Variants in NETO2 observed in about 807,000 individuals in gnomAD.
NETO2 encodes the protein neuropilin and tolloid-like protein 2.
NETO2 carries 28 observed loss-of-function variants against 62.5 expected under a neutral mutation model. The ratio of observed to expected loss-of-function variants is 0.45; its 90% CI spans 0.33 to 0.61. The LOEUF is 0.61. Ranked by LOEUF, NETO2 falls within the 20% of genes least tolerant of loss-of-function variation. The probability of loss-of-function intolerance (pLI) is 0.02; values close to 1 mark genes in which losing one functional copy is unlikely to be tolerated. For missense variants in NETO2, 548 were observed against 643.2 expected (o/e 0.85, Z 1.60); for synonymous variants, 214 against 219.1 (o/e 0.98, Z 0.21).
At position 47,083,206 on chromosome 16, in the gene NETO2, A is replaced by C; in HGVS notation, c.*15T>G. 1 of 1,588,892 alleles carries C rather than the reference A, an allele frequency of 6.3e-7. No individual in the cohort carries two copies. Among genetic ancestry groups the C allele is most frequent in the Non-Finnish European group, 8.6e-7 (1 of 1,166,156 alleles). On this transcript the variant is annotated 3_prime_UTR_variant, in exon 9 of 9. Coordinates refer to ENST00000562435, the MANE Select transcript of NETO2 (RefSeq NM_018092.5). ...CGTACACACCCTAAGAATTCACATC[A>C]CCATTAGCAGAAGATTAGAAGTCAA...
intron 7 of NETO2, among the ~76,000 whole-genome samples, chr16:47,098,800 G>C (rs1040940592): frequency 2.0e-5 from 3 of 152,194 alleles, no homozygotes; most frequent in Admixed American, 6.5e-5. Context: ...TACCCACAAA[G>C]GGAAGCCCAT....
chr16:47,083,800 T>C lies in NETO2; in HGVS notation c.999A>G (p.Glu333=), dbSNP rs1204839667. The C allele has an allele frequency of 6.4e-7, 1 of 1,568,608 alleles. No homozygotes were observed. Among genetic ancestry groups the C allele is most frequent in the Admixed American group, 1.9e-5 (1 of 51,986 alleles). ...GTTCAAATACTCCTGCTTTTTTCTT[T>C]TCTGCAGAAAGAAAATGAGAAACGT... ...AYPWDENHCK[E]KKKAGVFEQI... is the part of the protein sequence containing the mutation. The change falls in exon 9 of 9, where the codon GAA becomes GAG. Residue 333 remains glutamate (E), a splice_region_variant and synonymous_variant. Transcript: ENST00000562435.
chr16:47,083,670 C>T lies in NETO2; in HGVS notation c.1129G>A (p.Val377Ile). Reference sequence around the variant, plus strand: ...TTAAAAGCGGTTTTGCAAGCCATGACCTTTTTTCGAGGCTGTTTCACTTGT... The same window carrying T: ...TTAAAAGCGGTTTTGCAAGCCATGATCTTTTTTCGAGGCTGTTTCACTTGT... ...LVQVKQPRKKVMACKTAFNKT... is the reference protein window; with the variant it reads ...LVQVKQPRKKIMACKTAFNKT... Residue 377 changes from valine (V) to isoleucine (I), a missense_variant, in exon 9 of 9, where the codon GTC becomes ATC. Transcript: ENST00000562435. 6.2e-7 allele frequency: 1 copy of T among 1,614,148 alleles called. No individual in the cohort carries two copies. The highest frequency in any genetic ancestry group is 1.7e-5 in the Admixed American group (1 of 60,010).
Position 47,081,854 on chromosome 16 carries a change from C to T in NETO2, c.*1367G>A, listed in dbSNP as rs535426097. On this transcript the variant is annotated 3_prime_UTR_variant, in exon 9 of 9. Transcript: ENST00000562435. ...AGTGATTTAGAGCATAAATATCACA[C>T]AGTGAAAAATTTATCACAAACTAAA... The T allele has an allele frequency of 6.6e-6, 1 of 152,524 alleles. No individual in the cohort carries two copies. The highest frequency in any genetic ancestry group is 1.5e-5 in the Non-Finnish European group (1 of 67,964). 9.4% of individuals were successfully genotyped at this position (152,524 alleles called of 1,614,324 possible).
chr16:47,090,045 G>A (rs1963280312), intron 7 of NETO2, among the ~76,000 whole-genome samples: 1 of 152,080 alleles, frequency 6.6e-6, no homozygotes, highest in African/African-American at 2.4e-5. Context: ...GTGGGTCCTT[G>A]ACATTCGGAT....
intron 1 of NETO2, among the ~76,000 whole-genome samples, chr16:47,134,449 C>T (rs181888493): frequency 1.2e-4 from 19 of 152,166 alleles, no homozygotes; most frequent in Admixed American, 9.2e-4. Flanking sequence ...TTTTTTAATA[C>T]AGAAGATTTA....
At chr16:47,110,072 T>C (rs749117082) in intron 6 of NETO2, among the ~76,000 whole-genome samples, 6 of 152,212 alleles carry the variant, frequency 3.9e-5, no homozygotes, top group Non-Finnish European at 7.3e-5. Context: ...CAACAATGCA[T>C]GTGATTAATT....
At chr16:47,092,543 G>C (rs1409873097) in intron 7 of NETO2, among the ~76,000 whole-genome samples, 1 of 152,140 alleles carries the variant, frequency 6.6e-6, no homozygotes, top group Non-Finnish European at 1.5e-5. Context: ...GAGGCTGCAG[G>C]TGGCTGGCGG....
chr16:47,092,474 G>A (rs1963332465), intron 7 of NETO2, among the ~76,000 whole-genome samples: 1 of 152,148 alleles, frequency 6.6e-6, no homozygotes, highest in South Asian at 2.1e-4. Flanking sequence ...TGACATCTGG[G>A]AGGCGTTTTT....
chr16:47,143,739 C>G lies in NETO2; in HGVS notation c.-127G>C. 1.7e-6 allele frequency: 2 copies of G among 1,159,372 alleles called. No homozygotes were observed. The highest frequency in any genetic ancestry group is 2.2e-6 in the Non-Finnish European group (2 of 928,970). 71.8% of individuals were successfully genotyped at this position (1,159,372 alleles called of 1,614,324 possible). A position where few individuals can be genotyped will look rare whatever the true frequency, so the allele number is the denominator to read the frequency against. Reference sequence around the variant, plus strand: ...TCGCCGGCCAGCAGCTGCCTCCCCGCTCCCCTGAGGAGAGCTCAGGTCCTG... The same window carrying G: ...TCGCCGGCCAGCAGCTGCCTCCCCGGTCCCCTGAGGAGAGCTCAGGTCCTG... On this transcript the variant is annotated 5_prime_UTR_variant, in exon 1 of 9. Transcript: ENST00000562435.
chr16:47,090,532 T>C (rs1963290902), intron 7 of NETO2, among the ~76,000 whole-genome samples: 3 of 152,156 alleles, frequency 2.0e-5, no homozygotes, highest in African/African-American at 7.2e-5. Flanking sequence ...TCTCTACCTA[T>C]TGCTGTTCCT....
intron 1 of NETO2, among the ~76,000 whole-genome samples, chr16:47,132,817 G>A (rs1056553619): frequency 6.6e-6 from 1 of 152,202 alleles, no homozygotes. Flanking sequence ...CACAGGTGTG[G>A]AGAGAGAAAT....
At chr16:47,113,533 T>C (rs1332423507) in intron 6 of NETO2, among the ~76,000 whole-genome samples, 1 of 152,000 alleles carries the variant, frequency 6.6e-6, no homozygotes, top group East Asian at 1.9e-4. Context: ...CTGTAGTTTA[T>C]CCCTTTTTAT....
At chr16:47,083,889 C>G (rs2143793709) in intron 8 of NETO2, 88 bp from the exon 9 acceptor site, 1 of 1,034,654 alleles carries the variant, frequency 9.7e-7, no homozygotes, top group South Asian at 1.7e-5. Context: ...TTAGGTAAAA[C>G]AGAATACTTG....
intron 7 of NETO2, among the ~76,000 whole-genome samples, chr16:47,095,404 G>A (rs1453057349): frequency 6.6e-6 from 1 of 152,146 alleles, no homozygotes; most frequent in African/African-American, 2.4e-5. Context: ...AGAAGAGATT[G>A]CAGAATTGAT....
intron 6 of NETO2, among the ~76,000 whole-genome samples, chr16:47,120,447 G>A (rs1964013846): frequency 6.6e-6 from 1 of 152,112 alleles, no homozygotes; most frequent in South Asian, 2.1e-4. Context: ...GGTATACAGT[G>A]CATAATAATT....
intron 6 of NETO2, among the ~76,000 whole-genome samples, chr16:47,112,668 C>T (rs1372479903): frequency 1.3e-5 from 2 of 152,160 alleles, no homozygotes; most frequent in Non-Finnish European, 2.9e-5. Flanking sequence ...CCTATTTACA[C>T]ATTTAAACAT....
intron 1 of NETO2, among the ~76,000 whole-genome samples, chr16:47,139,601 C>T (rs1964424898): frequency 6.6e-6 from 1 of 152,156 alleles, no homozygotes; most frequent in African/African-American, 2.4e-5. Flanking sequence ...TTTGACATGG[C>T]AGTCACTTGT....
At chr16:47,141,678 C>T (rs929782925) in intron 1 of NETO2, among the ~76,000 whole-genome samples, 1 of 152,184 alleles carries the variant, frequency 6.6e-6, no homozygotes, top group Non-Finnish European at 1.5e-5. Context: ...AAGCCGCCAC[C>T]AATAGCAGCA....
Sources: allele counts gnomAD v4.1 joint callset (sites outside exome capture counted in the v4.1 genomes callset), GRCh38; gene constraint gnomAD v4.1.1; transcripts MANE v1.5; gene names NCBI Gene and HGNC (gene_info 2026-07-23, HGNC 2026-07-21).